PTPRG: variants seen among roughly 807,000 people sequenced by gnomAD.
PTPRG encodes receptor-type tyrosine-protein phosphatase gamma.
Under a neutral mutation model 165.3 loss-of-function variants are expected in PTPRG, and 102 were observed. The ratio of observed to expected loss-of-function variants is 0.62; its 90% confidence interval spans 0.53 to 0.73. The LOEUF is 0.73. PTPRG is among the 30% of genes least tolerant of loss of function. PTPRG has a pLI of 0.00. For synonymous variants in PTPRG, 675 were observed against 669.5 expected, an observed-to-expected ratio of 1.01 and a Z score of -0.13; for missense variants, 1,866 against 1,861.4, an observed-to-expected ratio of 1.00 and a Z score of -0.05.
intron 4 of PTPRG, among the ~76,000 whole-genome samples, chr3:62,033,624 C>A (rs1699846571): frequency 6.6e-6 from 1 of 151,532 alleles, no homozygotes; most frequent in Non-Finnish European, 1.5e-5. Flanking sequence ...CTTGGCCTCC[C>A]AAAATGTTGT....
At chr3:61,711,642 T>G (rs2106750311) in intron 1 of PTPRG, among the ~76,000 whole-genome samples, 1 of 152,326 alleles carries the variant, frequency 6.6e-6, no homozygotes. Context: ...ACTATCAGAA[T>G]GAACAGGCAA....
chr3:62,293,479 A>G lies in PTPRG; in HGVS notation c.*172A>G. Reference sequence around the variant, plus strand: ...ATGTCTTAATGGTATCCTACTGAGCATTTGCACCTCTGTTCATTTCACACA... The same window carrying G: ...ATGTCTTAATGGTATCCTACTGAGCGTTTGCACCTCTGTTCATTTCACACA... On this transcript the variant is annotated 3_prime_UTR_variant, in exon 30 of 30. Coordinates refer to ENST00000474889, the MANE Select transcript of PTPRG (RefSeq NM_002841.4). 2.0e-6 allele frequency: 1 copy of G among 511,544 alleles called. No homozygotes were observed. Among genetic ancestry groups the G allele is most frequent in the Non-Finnish European group, 3.3e-6 (1 of 303,844 alleles). The allele number at this position is 511,544 out of a possible 1,614,324, so 31.7% of individuals were successfully genotyped here.
chr3:62,028,702 G>A (rs974150287), intron 4 of PTPRG, among the ~76,000 whole-genome samples: 3 of 152,224 alleles, frequency 2.0e-5, no homozygotes, highest in African/African-American at 7.2e-5. Context: ...TAAAAAGATT[G>A]TTTATTTTTA....
At chr3:62,126,851 G>A (rs1276903777) in intron 5 of PTPRG, among the ~76,000 whole-genome samples, 1 of 152,134 alleles carries the variant, frequency 6.6e-6, no homozygotes, top group East Asian at 1.9e-4. Context: ...CTTATTTCAT[G>A]GCAGTTTGGG....
intron 2 of PTPRG, among the ~76,000 whole-genome samples, chr3:61,944,322 C>T (rs547320131): frequency 1.3e-5 from 2 of 152,268 alleles, no homozygotes; most frequent in South Asian, 4.2e-4. Flanking sequence ...TCCCTGTGAT[C>T]GGAGCGCATC....
Position 62,210,078 on chromosome 3 carries a change from T to A in PTPRG, c.2155+6128T>A, listed in dbSNP as rs1326358328. ...CCTCCCCACTTTCCCACCACCTAAT[T>A]GAAATAGAGATGACAGACCATCATT... On this transcript the variant is annotated intron_variant, in intron 12 of 29. Coordinates refer to ENST00000474889, the MANE Select transcript of PTPRG (RefSeq NM_002841.4). The surrounding 1 kb of genome is among the most constrained non-coding windows in gnomAD (Gnocchi z 4.1). 1.3e-5 allele frequency among the ~76,000 whole-genome samples: 2 copies of A among 152,142 alleles called. No homozygotes were observed. Among genetic ancestry groups the A allele is most frequent in the African/African-American group, 4.8e-5 (2 of 41,434 alleles).
At position 62,254,974 on chromosome 3, in the gene PTPRG, CTT is replaced by C. The variant is rs1202287768; in HGVS notation, c.2468-147_2468-146del. The C allele has an allele frequency of 1.7e-6, 1 of 579,858 alleles. No homozygotes were observed. The highest frequency in any genetic ancestry group is 2.9e-6 in the Non-Finnish European group (1 of 342,502). The allele number at this position is 579,858 out of a possible 1,614,324, so 35.9% of individuals were successfully genotyped here. Reference sequence around the variant, plus strand: ...TCCTAATGTAAAATAAATTCTGAGACTTTTCTTCAGGACATCTATTTTGTGTG... The same window carrying C: ...TCCTAATGTAAAATAAATTCTGAGACTTCTTCAGGACATCTATTTTGTGTG... On this transcript the variant is annotated intron_variant, in intron 15 of 29. Coordinates refer to ENST00000474889, the MANE Select transcript of PTPRG (RefSeq NM_002841.4). The surrounding 1 kb of genome is among the most constrained non-coding windows in gnomAD (Gnocchi z 4.6).
chr3:61,848,506 T>C (rs920279818), intron 2 of PTPRG, among the ~76,000 whole-genome samples: 3 of 152,240 alleles, frequency 2.0e-5, no homozygotes, highest in Non-Finnish European at 2.9e-5. Context: ...GGCTGTTCTT[T>C]TCCAAAGTGG....
intron 2 of PTPRG, among the ~76,000 whole-genome samples, chr3:61,922,998 A>G (rs2039117233): frequency 6.6e-6 from 1 of 152,040 alleles, no homozygotes; most frequent in Admixed American, 6.6e-5. Flanking sequence ...ATGCCCCACT[A>G]CGCCTTGAAT....
intron 7 of PTPRG, among the ~76,000 whole-genome samples, chr3:62,163,386 A>C (rs1283974283): frequency 1.3e-5 from 2 of 152,246 alleles, no homozygotes; most frequent in African/African-American, 4.8e-5. Context: ...AGCACATACC[A>C]GTCTCAGCAC....
chr3:61,573,263 A>AG (rs985606310), intron 1 of PTPRG, among the ~76,000 whole-genome samples: 2 of 152,092 alleles, frequency 1.3e-5, no homozygotes, highest in South Asian at 2.1e-4. Flanking sequence ...TCGGGGGACA[A>AG]GGGGGGGAAA....
rs560340128 is a variant in PTPRG at position 62,065,555 on chromosome 3, A to G, written c.520-12608A>G. On this transcript the variant is annotated intron_variant, in intron 4 of 29. Coordinates refer to ENST00000474889, the MANE Select transcript of PTPRG (RefSeq NM_002841.4). The stretch of plus-strand genomic sequence containing the variant: ...TCCCCCTTGATCAGTCATCTGACCA[A>G]TGCTGTTGGTTATTTTAAGGGATAC... Among the ~76,000 whole-genome samples the G allele has an allele frequency of 5.9e-5, 9 of 152,286 alleles. No individual in the cohort carries two copies. The South Asian group carries it at 1.7e-3, about 28-fold the overall frequency.
At chr3:61,607,211 C>T (rs953554541) in intron 1 of PTPRG, among the ~76,000 whole-genome samples, 27 of 152,194 alleles carry the variant, frequency 1.8e-4, no homozygotes, top group Non-Finnish European at 3.7e-4. Context: ...TACCTCCTTC[C>T]TTGACACTGT....
chr3:62,139,549 C>T (rs931332833), intron 6 of PTPRG, among the ~76,000 whole-genome samples: 2 of 152,188 alleles, frequency 1.3e-5, no homozygotes, highest in African/African-American at 2.4e-5. Context: ...TGCTCTCTCT[C>T]GGTCTTCCCT....
At chr3:62,284,261 A>G (rs1374727966) in intron 28 of PTPRG, among the ~76,000 whole-genome samples, 1 of 152,160 alleles carries the variant, frequency 6.6e-6, no homozygotes, top group East Asian at 1.9e-4. Context: ...GTTAAATACT[A>G]AACAGAAGTG....
intron 1 of PTPRG, among the ~76,000 whole-genome samples, chr3:61,609,125 G>A (rs1701094276): frequency 2.6e-5 from 4 of 152,302 alleles, no homozygotes; most frequent in South Asian, 4.1e-4. Flanking sequence ...TCTTCAGGAC[G>A]ATATACCTTC....
chr3:61,622,587 T>C, intron 1 of PTPRG, among the ~76,000 whole-genome samples: 1 of 152,212 alleles, frequency 6.6e-6, no homozygotes, highest in East Asian at 1.9e-4. Flanking sequence ...TTACAAATCT[T>C]GTAAATTACT....
In PTPRG at chr3:61,619,985, A is replaced by T. The variant is rs2365974; in HGVS notation, c.85+57613A>T. 6.8e-4 allele frequency among the ~76,000 whole-genome samples: 104 copies of T among 152,234 alleles called. 1 individual carries two copies. Among genetic ancestry groups the T allele is most frequent in the African/African-American group, 2.4e-3 (100 of 41,492 alleles). Reference sequence around the variant, plus strand: ...ACAGTTGTGTTACTCCTTCACGCTGAGCTCTGCCTAATGAAGATTGGCTGT... The same window carrying T: ...ACAGTTGTGTTACTCCTTCACGCTGTGCTCTGCCTAATGAAGATTGGCTGT... On this transcript the variant is annotated intron_variant, in intron 1 of 29. Transcript: ENST00000474889.
At chr3:61,936,355 C>G (rs567796529) in intron 2 of PTPRG, among the ~76,000 whole-genome samples, 13 of 152,324 alleles carry the variant, frequency 8.5e-5, no homozygotes, top group African/African-American at 2.9e-4. Context: ...AGATGAGATT[C>G]AGTACCAGGT....
Sources: gnomAD v4.1 joint callset for allele counts (sites outside exome capture counted in the v4.1 genomes callset) on GRCh38, gnomAD v4.1.1 for gene constraint, Gnocchi (gnomAD v3.1) non-coding constraint, MANE v1.5 for transcripts, NCBI Gene and HGNC (gene_info 2026-07-23, HGNC 2026-07-21) for gene names.